PRTN3: variants seen among roughly 807,000 people sequenced by gnomAD.
The protein encoded by PRTN3 is myeloblastin.
A neutral mutation model predicts 20.7 loss-of-function variants in PRTN3; 22 were observed. That is an observed-to-expected ratio of 1.06 (90% CI 0.76 to 1.52). The LOEUF (loss-of-function observed/expected upper bound fraction) is 1.52, where lower values mean the gene tolerates loss of function less well. Among genes scored for constraint, PRTN3 ranks in the 40% most tolerant of loss-of-function variants. PRTN3 has a pLI of 0.00. For synonymous variants in PRTN3, 173 were observed against 152.9 expected (o/e 1.13, Z -0.97); for missense variants, 378 against 359.6 (o/e 1.05, Z -0.41).
rs1222540613 is a variant in PRTN3, at chr19:843,626, T to G, written c.227T>G (p.Ile76Arg). 6.4e-7 allele frequency: 1 copy of G among 1,565,008 alleles called. No individual in the cohort carries two copies. Among genetic ancestry groups the G allele is most frequent in the Non-Finnish European group, 8.6e-7 (1 of 1,162,728 alleles). Residue 76 changes from isoleucine (I) to arginine (R), a missense_variant and splice_region_variant, in exon 2 of 5, where the codon ATA becomes AGA. Coordinates refer to ENST00000234347, the MANE Select transcript of PRTN3 (RefSeq NM_002777.4). ...ACGGCCGCGCACTGCCTGCGGGACATGTGAGCGGCCGCCTCCACACCCCTG... is the reference window on the plus strand; with the variant it reads ...ACGGCCGCGCACTGCCTGCGGGACAGGTGAGCGGCCGCCTCCACACCCCTG... The part of the protein sequence containing the change: ...VLTAAHCLRD[I>R]PQRLVNVVLG...
chr19:843,405 T>C lies in PRTN3; in HGVS notation c.62-56T>C, dbSNP rs2035469230. The C allele has an allele frequency of 5.4e-6, 8 of 1,472,572 alleles. No homozygotes were observed. The South Asian group carries it at 9.2e-5, about 17-fold the overall frequency. 91.2% of individuals were successfully genotyped at this position (1,472,572 alleles called of 1,614,324 possible). On this transcript the variant is annotated intron_variant, in intron 1 of 4. Transcript: ENST00000234347. Reference sequence around the variant, plus strand: ...GAGAGGCCCAGGGGCTGCTCTGCCATCCCCCCTTTCCCTGCAGCCTGGGGG... The same window carrying C: ...GAGAGGCCCAGGGGCTGCTCTGCCACCCCCCCTTTCCCTGCAGCCTGGGGG...
At chr19:847,089 T>A (rs2035526755) in intron 4 of PRTN3, among the ~76,000 whole-genome samples, 1 of 152,138 alleles carries the variant, frequency 6.6e-6, no homozygotes, top group Non-Finnish European at 1.5e-5. Context: ...AAGGATCTTT[T>A]GAGTCCAGGA....
Position 843,966 on chromosome 19 carries a change from T to C in PRTN3, c.301T>C (p.Ser101Pro). 1 of 1,604,440 alleles carries C rather than the reference T, an allele frequency of 6.2e-7. No individual in the cohort carries two copies. The highest frequency in any genetic ancestry group is 8.5e-7 in the Non-Finnish European group (1 of 1,176,188). The change falls in exon 3 of 5, where the codon TCG becomes CCG. Residue 101 changes from serine (S) to proline (P), a missense_variant. By Grantham distance (74) the Ser-to-Pro change is moderately conservative. Transcript: ENST00000234347. ...GCAGGAGCCCACCCAGCAGCACTTC[T>C]CGGTGGCTCAGGTGTTTCTGAACAA... ...RTQEPTQQHF[S>P]VAQVFLNNYD... is the part of the protein sequence containing the mutation.
rs1321519596 is a variant in PRTN3 at position 847,905 on chromosome 19, T to C, written c.707T>C (p.Val236Ala). 2.5e-6 allele frequency: 4 copies of C among 1,608,486 alleles called. No homozygotes were observed. The highest frequency in any genetic ancestry group is 3.4e-6 in the Non-Finnish European group (4 of 1,177,396). The change falls in exon 5 of 5, where the codon GTA becomes GCA. Residue 236 changes from valine to alanine, a missense_variant. Physicochemically the swap from Val to Ala is moderately conservative, Grantham distance 64 (BLOSUM62 0). Transcript: ENST00000234347. Reference protein sequence around the residue: ...TRLFPDFFTRVALYVDWIRST... With the variant: ...TRLFPDFFTRAALYVDWIRST... ...CTTTTCCCTGACTTCTTCACGCGGG[T>C]AGCCCTCTACGTGGACTGGATCCGT...
chr19:845,380 G>C (rs145807154), intron 3 of PRTN3, among the ~76,000 whole-genome samples: 327 of 152,112 alleles, frequency 2.1e-3, no homozygotes, highest in African/African-American at 7.4e-3. Flanking sequence ...CCACACTCCA[G>C]CCTCGGCGAC....
At chr19:845,003 A>G (rs867280384) in intron 3 of PRTN3, among the ~76,000 whole-genome samples, 17 of 143,708 alleles carry the variant, frequency 1.2e-4, no homozygotes, top group African/African-American at 4.4e-4. Context: ...GCTGGAGTGC[A>G]GTGGTGCAAT....
chr19:842,254 G>T (rs191870908), intron 1 of PRTN3, among the ~76,000 whole-genome samples: 25 of 150,810 alleles, frequency 1.7e-4, no homozygotes, highest in African/African-American at 6.1e-4. Flanking sequence ...TCGAACTCCT[G>T]ACCTGAGGGG....
chr19:841,509 T>C (rs1214655891), intron 1 of PRTN3, among the ~76,000 whole-genome samples: 2 of 145,804 alleles, frequency 1.4e-5, no homozygotes, highest in Non-Finnish European at 3.0e-5. Context: ...AGTGAATGAG[T>C]GAACGAATGA....
chr19:846,191 G>A lies in PRTN3; in HGVS notation c.414G>A (p.Gln138=). The A allele has an allele frequency of 6.6e-7, 1 of 1,522,602 alleles. No homozygotes were observed. Among genetic ancestry groups the A allele is most frequent in the Non-Finnish European group, 8.8e-7 (1 of 1,132,614 alleles). 94.3% of individuals were successfully genotyped at this position (1,522,602 alleles called of 1,614,324 possible). Residue 138 remains glutamine (Q), a synonymous_variant, in exon 4 of 5, where the codon CAG becomes CAA. Coordinates refer to ENST00000234347, the MANE Select transcript of PRTN3 (RefSeq NM_002777.4). ...TCAGTGCCTCCGTCGCCACAGTCCA[G>A]CTGCCACAGCAGGACCAGCCAGTGC... is the stretch of plus-strand genomic sequence containing the variant. The part of the protein sequence containing the change: ...ANLSASVATV[Q]LPQQDQPVPH...
In PRTN3 at chr19:848,119, G is replaced by A. The variant is rs1461129051; in HGVS notation, c.*150G>A. On this transcript the variant is annotated 3_prime_UTR_variant, in exon 5 of 5. Transcript: ENST00000234347. The stretch of plus-strand genomic sequence containing the variant: ...CACACTCCCTCCCACGGGGCTCCGG[G>A]AGACAGGCCGGCCCTGCACCTCACC... 2.0e-6 allele frequency: 2 copies of A among 997,638 alleles called. No homozygotes were observed. The highest frequency in any genetic ancestry group is 2.9e-6 in the Non-Finnish European group (2 of 697,968). The allele number at this position is 997,638 out of a possible 1,614,324, so 61.8% of individuals were successfully genotyped here.
chr19:844,006 A>G lies in PRTN3; in HGVS notation c.341A>G (p.Asn114Ser). The G allele has an allele frequency of 6.2e-7, 1 of 1,607,266 alleles. No individual in the cohort carries two copies. The highest frequency in any genetic ancestry group is 1.1e-5 in the South Asian group (1 of 89,366). The change falls in exon 3 of 5, where the codon AAC (asparagine) becomes AGC (serine). Residue 114 changes from asparagine (N) to serine (S), a missense_variant. Asn to Ser is a conservative substitution (Grantham distance 46). Transcript: ENST00000234347. Reference sequence around the variant, plus strand: ...TTTCTGAACAACTACGACGCGGAGAACAAACTGAACGACGTTCTCCTCATC... The same window carrying G: ...TTTCTGAACAACTACGACGCGGAGAGCAAACTGAACGACGTTCTCCTCATC... Reference protein sequence around the residue: ...QVFLNNYDAENKLNDVLLIQL... With the variant: ...QVFLNNYDAESKLNDVLLIQL...
chr19:846,421 G>A (rs1341281677), intron 4 of PRTN3, 44 bp downstream of exon 4: 14 of 1,529,358 alleles, frequency 9.2e-6, no homozygotes, highest in Non-Finnish European at 1.1e-5. Flanking sequence ...CTGCCATGAG[G>A]GGAGGAGGGC....
chr19:847,976 C>T lies in PRTN3; in HGVS notation c.*7C>T, dbSNP rs757983387. ...GGCCAAGGGCCGCCCCTGAACCGCC[C>T]CTCCCACAGCGCTGGCCGGGACCCC... On this transcript the variant is annotated 3_prime_UTR_variant, in exon 5 of 5. Transcript: ENST00000234347. 2.5e-6 allele frequency: 4 copies of T among 1,593,962 alleles called. No individual in the cohort carries two copies. Among genetic ancestry groups the T allele is most frequent in the Non-Finnish European group, 2.6e-6 (3 of 1,171,242 alleles).
rs1376891619 is a variant in PRTN3, at chr19:841,088, C to T, written c.61+19C>T. ...CTGAGCGGTGAGTGAGCCACGTGCC[C>T]ATCCATCCAGCCTCCAGGCCCCGGT... On this transcript the variant is annotated intron_variant, in intron 1 of 4. Coordinates refer to ENST00000234347, the MANE Select transcript of PRTN3 (RefSeq NM_002777.4). 3 of 1,602,698 alleles carry T rather than the reference C, an allele frequency of 1.9e-6. No individual in the cohort carries two copies. Among genetic ancestry groups the T allele is most frequent in the Non-Finnish European group, 2.5e-6 (3 of 1,179,560 alleles).
chr19:843,079 T>C (rs2145126021), intron 1 of PRTN3, among the ~76,000 whole-genome samples: 2 of 152,186 alleles, frequency 1.3e-5, no homozygotes, highest in South Asian at 4.1e-4. Context: ...CATGCCTGGC[T>C]AATTTTAAAA....
At chr19:846,114 C>T in intron 3 of PRTN3, 33 bp from the exon 4 acceptor site, 4 of 1,392,558 alleles carry the variant, frequency 2.9e-6, no homozygotes, top group South Asian at 3.2e-5. Context: ...GACCTGGAAG[C>T]AGCGTCTCAC....
chr19:843,701 C>G, intron 2 of PRTN3, 75 bp downstream of exon 2: 1 of 1,500,222 alleles, frequency 6.7e-7, no homozygotes, highest in Non-Finnish European at 8.9e-7. Context: ...CACTGTCCCT[C>G]TGCCCGGGGA....
chr19:846,025 C>A (rs1326804607), intron 3 of PRTN3, 122 bp from the exon 4 acceptor site: 2 of 605,582 alleles, frequency 3.3e-6, no homozygotes, highest in Middle Eastern at 3.8e-4. Flanking sequence ...GGGGCCCAGG[C>A]GGAGGGAGCG....
rs1275750326 is a variant in PRTN3 at position 846,304 on chromosome 19, C to T, written c.527C>T (p.Thr176Ile). 2.5e-6 allele frequency: 4 copies of T among 1,593,572 alleles called. No homozygotes were observed. The Admixed American group carries it at 5.2e-5, about 21-fold the overall frequency. Residue 176 changes from threonine (T) to isoleucine (I), a missense_variant, in exon 4 of 5, where the codon ACC (threonine) becomes ATC (isoleucine). Physicochemically the swap from Thr to Ile is moderately conservative, Grantham distance 89. Coordinates refer to ENST00000234347, the MANE Select transcript of PRTN3 (RefSeq NM_002777.4). ...PAQVLQELNV[T>I]VVTFFCRPHN... ...CAGGTCCTGCAGGAGCTCAATGTCA[C>T]CGTGGTCACCTTCTTCTGCCGGCCA...
Sources: gnomAD v4.1 joint callset for allele counts (sites outside exome capture counted in the v4.1 genomes callset) on GRCh38, gnomAD v4.1.1 for gene constraint, MANE v1.5 for transcripts, NCBI Gene and HGNC (gene_info 2026-07-23, HGNC 2026-07-21) for gene names.